The following POLR2F variants were observed in gnomAD, a reference collection of about 807,000 sequenced individuals.
The protein encoded by POLR2F is DNA-directed RNA polymerases I, II, and III subunit RPABC2.
A neutral mutation model predicts 22.7 loss-of-function variants in POLR2F; 12 were observed. That is an observed-to-expected ratio of 0.53 (90% confidence interval 0.34 to 0.86). POLR2F has a LOEUF of 0.86. Among genes scored for constraint, POLR2F ranks in the 40% least tolerant of loss-of-function variants. POLR2F has a pLI of 0.02. For missense variants in POLR2F, 126 were observed against 171.5 expected, an observed-to-expected ratio of 0.73 and a Z score of 1.48; for synonymous variants, 57 against 66.0, an observed-to-expected ratio of 0.86 and a Z score of 0.66.
chr22:38,029,797 AG>A (rs1486602837), downstream of POLR2F, among the ~76,000 whole-genome samples: 8 of 152,284 alleles, frequency 5.3e-5, no homozygotes, highest in Admixed American at 1.3e-4. Context: ...AGGGTTTCCC[AG>A]GGTCTTAGCC....
chr22:38,006,679 C>A (rs2084824297), intron 1 of POLR2F, among the ~76,000 whole-genome samples: 1 of 152,182 alleles, frequency 6.6e-6, no homozygotes, highest in African/African-American at 2.4e-5. Context: ...TCCCACAGAC[C>A]CCCCAGGAAG....
At chr22:38,011,286 G>T (rs1028463166) in intron 1 of POLR2F, among the ~76,000 whole-genome samples, 1 of 150,336 alleles carries the variant, frequency 6.7e-6, no homozygotes, top group Non-Finnish European at 1.5e-5. Context: ...TTTTTTTTTT[G>T]TAGAGGCAAG....
chr22:37,999,588 T>A (rs928600519), intron 1 of POLR2F, among the ~76,000 whole-genome samples: 1 of 151,890 alleles, frequency 6.6e-6, no homozygotes, highest in African/African-American at 2.4e-5. Flanking sequence ...TGACACCCCT[T>A]CCCCTCCCCA....
chr22:38,040,295 A>AAAG (rs2145839732), intron 5 of POLR2F: 1 of 152,208 alleles, frequency 6.6e-6, no homozygotes, highest in East Asian at 1.9e-4. Context: ...AAAAAAAAAA[A>AAAG]AAAAAAAAAA....
downstream of POLR2F, chr22:37,971,190 C>T: frequency 2.1e-6 from 1 of 468,484 alleles, no homozygotes; most frequent in South Asian, 1.6e-5. Flanking sequence ...AAACCACAGG[C>T]AGGTGGAGGG....
At chr22:38,032,040 C>T (rs574335751) in intron 5 of POLR2F, 1 of 152,232 alleles carries the variant, frequency 6.6e-6, no homozygotes, top group South Asian at 2.1e-4. Flanking sequence ...CTCCGTGGCC[C>T]AGGTTGGAGT....
chr22:38,000,762 C>T (rs1220215188), intron 1 of POLR2F, among the ~76,000 whole-genome samples: 1 of 152,166 alleles, frequency 6.6e-6, no homozygotes, highest in African/African-American at 2.4e-5. Context: ...AACCAGCTTC[C>T]TTTGGGAACA....
chr22:37,976,981 A>G (rs1932240011), intron 4 of POLR2F, among the ~76,000 whole-genome samples: 1 of 151,734 alleles, frequency 6.6e-6, no homozygotes, highest in Non-Finnish European at 1.5e-5. Flanking sequence ...GGGCCTGGGC[A>G]ATATAGTGAA....
chr22:38,027,541 G>A (rs1174036260), downstream of POLR2F, among the ~76,000 whole-genome samples: 2 of 151,996 alleles, frequency 1.3e-5, no homozygotes, highest in African/African-American at 4.8e-5. Context: ...CCCTCCTCTC[G>A]CTGTGCTATT....
In POLR2F at chr22:38,019,943, G is replaced by C. The variant is rs147034771; in HGVS notation, c.121-5926G>C. Among the ~76,000 whole-genome samples the C allele has an allele frequency of 4.0e-3, 614 of 152,272 alleles. 5 individuals are homozygous for C. Among genetic ancestry groups the C allele is most frequent in the African/African-American group, 0.014 (594 of 41,564 alleles). On this transcript the variant is annotated intron_variant, in intron 1 of 2. Coordinates refer to the POLR2F transcript ENST00000333418. ...GCAGAAGAATCACTTGAACCCGGGA[G>C]GCAGAGGTTGCGGTGAGCCGAGATC...
At chr22:38,029,852 G>A (rs192276447), downstream of POLR2F, among the ~76,000 whole-genome samples, 161 of 152,272 alleles carry the variant, frequency 1.1e-3, no homozygotes, top group African/African-American at 3.5e-3. Context: ...TGGAGCCTTC[G>A]TCCACGCTCC....
chr22:37,983,969 T>A, upstream of POLR2F: 1 of 382,290 alleles, frequency 2.6e-6, no homozygotes, highest in Non-Finnish European at 4.5e-6. This position sits in a 1 kb window ranked among gnomAD's most constrained non-coding sequence, Gnocchi z 9.5. Flanking sequence ...CCCTTCCTGC[T>A]CCAGCTAAAC....
At chr22:37,974,188 A>G (rs1309375363), downstream of POLR2F, 15 of 1,603,354 alleles carry the variant, frequency 9.4e-6, no homozygotes, top group African/African-American at 2.7e-5. The surrounding 1 kb of genome is among the most constrained non-coding windows in gnomAD (Gnocchi z 5.4). Context: ...TGGGTGGGCC[A>G]TGGCTCTGGC....
intron 1 of POLR2F, among the ~76,000 whole-genome samples, chr22:38,015,050 C>T (rs530580732): frequency 2.1e-4 from 31 of 151,206 alleles, no homozygotes; most frequent in African/African-American, 7.3e-4. Flanking sequence ...TTGAGATCCA[C>T]CCGCCTCAGC....
At chr22:37,977,718 G>T in intron 4 of POLR2F, 1 of 843,454 alleles carries the variant, frequency 1.2e-6, no homozygotes, top group African/African-American at 1.7e-5. Context: ...AACCCCCATG[G>T]AGCTCCCTCT....
intron 1 of POLR2F, among the ~76,000 whole-genome samples, chr22:38,012,351 G>A (rs2084878445): frequency 6.6e-6 from 1 of 151,970 alleles, no homozygotes; most frequent in Admixed American, 6.6e-5. Flanking sequence ...CAAAGTGCTG[G>A]GTCTACAGGT....
At chr22:37,963,242 C>T (rs1931721535) in intron 3 of POLR2F, among the ~76,000 whole-genome samples, 1 of 152,072 alleles carries the variant, frequency 6.6e-6, no homozygotes, top group South Asian at 2.1e-4. Flanking sequence ...CCTCCTGCCT[C>T]AGACTCCCAA....
downstream of POLR2F, among the ~76,000 whole-genome samples, chr22:37,970,293 C>CA (rs139881): frequency 0.67 from 89,269 of 132,310 alleles, 29,808 homozygotes; most frequent in African/African-American, 0.77. Flanking sequence ...GACTCCGTCT[C>CA]AAAAAAAAAA....
At position 38,017,768 on chromosome 22, in the gene POLR2F, G is replaced by A. The variant is rs1329464028; in HGVS notation, c.121-8101G>A. On this transcript the variant is annotated intron_variant, in intron 1 of 2. Transcript: ENST00000333418. This position sits in a 1 kb window ranked among gnomAD's most constrained non-coding sequence, Gnocchi z 4.1. Reference sequence around the variant, plus strand: ...GTGACATGGAGCTCACTCCTCACATGGCTTGCTCTGTCCTTGCCCAGCCCA... The same window carrying A: ...GTGACATGGAGCTCACTCCTCACATAGCTTGCTCTGTCCTTGCCCAGCCCA... Among the ~76,000 whole-genome samples, 1 of 152,148 alleles carries A rather than the reference G, an allele frequency of 6.6e-6. No homozygotes were observed. Among genetic ancestry groups the A allele is most frequent in the Non-Finnish European group, 1.5e-5 (1 of 68,018 alleles).
Sources: allele counts gnomAD v4.1 joint callset (sites outside exome capture counted in the v4.1 genomes callset), GRCh38; gene constraint gnomAD v4.1.1; non-coding constraint Gnocchi (gnomAD v3.1); transcripts MANE v1.5; gene names NCBI Gene and HGNC (gene_info 2026-07-23, HGNC 2026-07-21).